The following REPS1 variants were observed in gnomAD, a reference collection of about 807,000 sequenced individuals.
REPS1 encodes ralBP1-associated Eps domain-containing protein 1.
REPS1 carries 39 observed loss-of-function variants against 100.9 expected under a neutral mutation model. The ratio of observed to expected loss-of-function variants is 0.39; its 90% CI spans 0.30 to 0.50. The LOEUF is 0.50. Among genes scored for constraint, REPS1 ranks in the 20% least tolerant of loss-of-function variants. REPS1 has a pLI of 0.86. For missense variants in REPS1, 821 were observed against 968.5 expected, an observed-to-expected ratio of 0.85 and a Z score of 2.02; for synonymous variants, 324 against 340.3, an observed-to-expected ratio of 0.95 and a Z score of 0.53.
chr6:138,927,044 T>A (rs1196178822), intron 9 of REPS1: 3 of 152,422 alleles, frequency 2.0e-5, no homozygotes, highest in African/African-American at 7.2e-5. Context: ...ATGCAAAGAA[T>A]TCTGGAATTA....
Position 138,921,021 on chromosome 6 carries a change from G to T in REPS1, c.1426+16C>A. ...TGATGTAAAACTAAAATACAAACCA[G>T]CAACAGCTTCCTTACCGCTGCCAGT... is the stretch of plus-strand genomic sequence containing the variant. On this transcript the variant is annotated intron_variant, in intron 11 of 19. Coordinates refer to ENST00000450536, the MANE Select transcript of REPS1 (RefSeq NM_001286611.2). 6.3e-7 allele frequency: 1 copy of T among 1,584,184 alleles called. No individual in the cohort carries two copies. The highest frequency in any genetic ancestry group is 1.1e-5 in the South Asian group (1 of 89,508).
At chr6:138,907,669 C>A in intron 18 of REPS1, 69 bp from the exon 19 acceptor site, 1 of 966,796 alleles carries the variant, frequency 1.0e-6, no homozygotes, top group Middle Eastern at 2.1e-4. Context: ...TCTATTCCTT[C>A]CTGATCTATT....
chr6:138,920,351 T>C (rs1431725245), intron 11 of REPS1, 35 bp from the exon 12 acceptor site: 3 of 1,158,536 alleles, frequency 2.6e-6, no homozygotes, highest in African/African-American at 1.5e-5. Context: ...ATACAAGACA[T>C]AGGTATTTGA....
chr6:138,916,874 A>C (rs1188087551), intron 13 of REPS1, among the ~76,000 whole-genome samples: 2 of 152,238 alleles, frequency 1.3e-5, no homozygotes, highest in Non-Finnish European at 2.9e-5. Flanking sequence ...GTAAAATCCA[A>C]GATGACTGAG....
chr6:138,914,855 A>G, intron 14 of REPS1, 94 bp from the exon 15 acceptor site: 1 of 1,066,584 alleles, frequency 9.4e-7, no homozygotes, highest in Non-Finnish European at 1.4e-6. Context: ...CATGATAAAG[A>G]TTTCTAAGAA....
chr6:138,913,495 T>C (rs1341859404), intron 15 of REPS1, among the ~76,000 whole-genome samples: 1 of 152,172 alleles, frequency 6.6e-6, no homozygotes, highest in African/African-American at 2.4e-5. Flanking sequence ...GAATATGTAC[T>C]TGTGAACAAA....
chr6:138,947,697 A>T, intron 2 of REPS1, 93 bp downstream of exon 2: 1 of 1,156,624 alleles, frequency 8.6e-7, no homozygotes, highest in Non-Finnish European at 1.2e-6. Context: ...AAATGCCACT[A>T]TAAGATCAGA....
chr6:138,950,572 C>T (rs1490813958), intron 1 of REPS1, among the ~76,000 whole-genome samples: 3 of 152,162 alleles, frequency 2.0e-5, no homozygotes, highest in African/African-American at 7.2e-5. Flanking sequence ...TTTATATGTG[C>T]TTATTTCTGG....
intron 8 of REPS1, among the ~76,000 whole-genome samples, chr6:138,938,684 T>C (rs1391738233): frequency 6.6e-6 from 1 of 152,030 alleles, no homozygotes; most frequent in African/African-American, 2.4e-5. Flanking sequence ...GTAATTAGCA[T>C]GTAGAAAATG....
intron 1 of REPS1, among the ~76,000 whole-genome samples, chr6:138,972,763 T>G (rs907029286): frequency 2.6e-5 from 4 of 152,192 alleles, no homozygotes; most frequent in African/African-American, 9.7e-5. Flanking sequence ...TGCTCAGTGT[T>G]TGACTAGCAT....
At chr6:138,933,407 G>A (rs1781603927) in intron 8 of REPS1, among the ~76,000 whole-genome samples, 1 of 152,138 alleles carries the variant, frequency 6.6e-6, no homozygotes, top group Non-Finnish European at 1.5e-5. Flanking sequence ...TATGGACACT[G>A]AAATTTGAAT....
rs530031222 is a variant in REPS1 at position 138,926,335 on chromosome 6, G to A, written c.1338+66C>T. 11 of 1,197,696 alleles carry A rather than the reference G, an allele frequency of 9.2e-6. No individual in the cohort carries two copies. The African/African-American group carries it at 1.2e-4, about 13-fold the overall frequency. 74.2% of individuals were successfully genotyped at this position (1,197,696 alleles called of 1,614,324 possible). ...TGAATCATGCATATCAGCTAAAAAC[G>A]ATAATGAATGGAAATTTGGGTTAAT... On this transcript the variant is annotated intron_variant, in intron 10 of 19. Transcript: ENST00000450536.
Position 138,988,197 on chromosome 6 carries a change from T to G in REPS1, c.-515A>C, listed in dbSNP as rs1785392527. 2.5e-6 allele frequency: 1 copy of G among 398,100 alleles called. No individual in the cohort carries two copies. Among genetic ancestry groups the G allele is most frequent in the Admixed American group, 4.4e-5 (1 of 22,690 alleles). The allele number at this position is 398,100 out of a possible 1,614,324, so 24.7% of individuals were successfully genotyped here. On this transcript the variant is annotated 5_prime_UTR_variant, in exon 1 of 20. Transcript: ENST00000450536. Reference sequence around the variant, plus strand: ...GAGCGTGGCCGCCGCTCCGCCTCCCTCCGCCGCCATTTACAGTGCCCCGGC... The same window carrying G: ...GAGCGTGGCCGCCGCTCCGCCTCCCGCCGCCGCCATTTACAGTGCCCCGGC...
intron 1 of REPS1, among the ~76,000 whole-genome samples, chr6:138,967,666 G>C (rs903929910): frequency 6.6e-6 from 1 of 152,006 alleles, no homozygotes; most frequent in African/African-American, 2.4e-5. Context: ...ATACTCAGTA[G>C]GTACTTAATG....
At chr6:138,951,193 AAAAAAGAAAAGAAAAG>A (rs1249072680) in intron 1 of REPS1, 3 of 152,608 alleles carry the variant, frequency 2.0e-5, no homozygotes, top group Admixed American at 6.5e-5. Context: ...CATCTCAAAA[AAAAAAGAAAAGAAAAG>A]AAAAAGAAAA....
At chr6:138,982,618 C>T (rs1785016870) in intron 1 of REPS1, among the ~76,000 whole-genome samples, 1 of 152,152 alleles carries the variant, frequency 6.6e-6, no homozygotes, top group Non-Finnish European at 1.5e-5. Context: ...TTTTCTTGCT[C>T]GGCAGACAGC....
intron 1 of REPS1, among the ~76,000 whole-genome samples, chr6:138,977,936 C>CTGGT (rs1784689771): frequency 6.6e-6 from 1 of 152,196 alleles, no homozygotes; most frequent in Non-Finnish European, 1.5e-5. Flanking sequence ...TACAGCCACT[C>CTGGT]TGGTCAGTGT....
chr6:138,965,403 G>A (rs1380882167), intron 1 of REPS1, among the ~76,000 whole-genome samples: 2 of 151,666 alleles, frequency 1.3e-5, no homozygotes, highest in Admixed American at 1.3e-4. Flanking sequence ...GGTAAGAAAG[G>A]AGAAAAACCA....
rs1229092565 is a variant in REPS1, at chr6:138,904,449, T to A, written c.*615A>T. On this transcript the variant is annotated 3_prime_UTR_variant, in exon 20 of 20. Coordinates refer to ENST00000450536, the MANE Select transcript of REPS1 (RefSeq NM_001286611.2). ...ATCTCATAAAATAGTTCGAAGTCGC[T>A]GATGAAGTTGATCACATTTCCACAA... 1 of 152,252 alleles carries A rather than the reference T, an allele frequency of 6.6e-6. No homozygotes were observed. Among genetic ancestry groups the A allele is most frequent in the Non-Finnish European group, 1.5e-5 (1 of 68,038 alleles). 9.4% of individuals were successfully genotyped at this position (152,252 alleles called of 1,614,324 possible). A position where few individuals can be genotyped will look rare whatever the true frequency, so the allele number is the denominator to read the frequency against.
Sources: allele counts gnomAD v4.1 joint callset (sites outside exome capture counted in the v4.1 genomes callset), GRCh38; gene constraint gnomAD v4.1.1; transcripts MANE v1.5; gene names NCBI Gene and HGNC (gene_info 2026-07-23, HGNC 2026-07-21).